Variants in PPP2R3B observed in about 807,000 individuals in gnomAD.
PPP2R3B encodes serine/threonine-protein phosphatase 2A regulatory subunit B'' subunit beta.
PPP2R3B carries 68 observed loss-of-function variants against 72.9 expected under a neutral mutation model. The ratio of observed to expected loss-of-function variants is 0.93; its 90% CI spans 0.77 to 1.14. The LOEUF is 1.14. Among genes scored for constraint, PPP2R3B ranks in the 50% most tolerant of loss-of-function variants. The pLI is 0.00. For missense variants in PPP2R3B, 1,018 were observed against 842.0 expected (o/e 1.21, Z -2.59); for synonymous variants, 466 against 375.8 (o/e 1.24, Z -2.78).
In PPP2R3B at chrX:361,558, C is replaced by T. The variant is rs369589169; in HGVS notation, c.357G>A (p.Pro119=). The change falls in exon 2 of 13, where the codon CCG becomes CCA. Residue 119 remains proline, a synonymous_variant. Coordinates refer to ENST00000390665, the MANE Select transcript of PPP2R3B (RefSeq NM_013239.5). ...AGGTCGGAATGCTTTGGCTCGTGGC[C>T]GGGGGCAGAGGCTCTTCTTTCCGTG... ...VQTRKEEPLP[P]ATSQSIPTFY... is the part of the protein sequence containing the mutation. 2.2e-5 allele frequency: 36 copies of T among 1,613,848 alleles called. No homozygotes were observed. The highest frequency in any genetic ancestry group is 1.1e-4 in the African/African-American group (8 of 74,922).
At chrX:369,772 G>A in intron 1 of PPP2R3B, among the ~76,000 whole-genome samples, 1 of 152,354 alleles carries the variant, frequency 6.6e-6, no homozygotes, top group Admixed American at 6.5e-5. Context: ...CACAGAGGAG[G>A]TGCCGGAGCA....
Position 386,663 on chromosome X carries a change from A to AC in PPP2R3B, c.28dup (p.Val10GlyfsTer93). ...CAGCTCGTCCACCTTCATCTTCAGG[A>AC]CCGGCTGCAGCACTTTGCCGGGCGG... On this transcript the variant is annotated frameshift_variant, in exon 1 of 13. Coordinates refer to ENST00000390665, the MANE Select transcript of PPP2R3B (RefSeq NM_013239.5). LOFTEE classifies it high-confidence loss of function. 4 of 1,383,498 alleles carry AC rather than the reference A, an allele frequency of 2.9e-6. No homozygotes were observed. The highest frequency in any genetic ancestry group is 2.8e-6 in the Non-Finnish European group (3 of 1,068,320). The allele number at this position is 1,383,498 out of a possible 1,614,324, so 85.7% of individuals were successfully genotyped here. A position where few individuals can be genotyped will look rare whatever the true frequency, so the allele number is the denominator to read the frequency against.
intron 8 of PPP2R3B, 52 bp from the exon 9 acceptor site, chrX:341,448 C>T: frequency 1.3e-6 from 2 of 1,591,558 alleles, no homozygotes; most frequent in Non-Finnish European, 1.7e-6. Flanking sequence ...GGGAGAGCTT[C>T]ACAGGAACGG....
chrX:386,794 C>A lies in PPP2R3B; in HGVS notation c.-103G>T, dbSNP rs1162370835. 9 of 663,138 alleles carry A rather than the reference C, an allele frequency of 1.4e-5. No individual in the cohort carries two copies. The highest frequency in any genetic ancestry group is 1.8e-5 in the Non-Finnish European group (9 of 497,062). 41.1% of individuals were successfully genotyped at this position (663,138 alleles called of 1,614,324 possible). On this transcript the variant is annotated 5_prime_UTR_variant, in exon 1 of 13. Transcript: ENST00000390665. ...ACCTCGGTGATGCGAGCACGGCCCG[C>A]TGAGGGGGCGCGGCGCAGGGAACAG...
At chrX:364,641 A>C (rs867019146) in intron 1 of PPP2R3B, among the ~76,000 whole-genome samples, 9,837 of 124,596 alleles carry the variant, frequency 0.079, 616 homozygotes, top group Non-Finnish European at 0.085. Context: ...TCGCTTCAAC[A>C]CAGGAGGCGG....
rs1015512598 is a variant in PPP2R3B, at chrX:346,367, C to CGG, written c.793-109_793-108dup. 92 of 1,133,100 alleles carry CGG rather than the reference C, an allele frequency of 8.1e-5. 1 individual carries two copies. In the Middle Eastern group the frequency reaches 3.1e-3, roughly 39 times the overall value. 70.2% of individuals were successfully genotyped at this position (1,133,100 alleles called of 1,614,324 possible). On this transcript the variant is annotated intron_variant, in intron 5 of 12. Transcript: ENST00000390665. Reference sequence around the variant, plus strand: ...GGGCGCGCCCTTGGTCTCAGCCGCACGGGGCCGCCAGGGCACAGGCGGGGG... The same window carrying CGG: ...GGGCGCGCCCTTGGTCTCAGCCGCACGGGGGGCCGCCAGGGCACAGGCGGGGG...
Position 386,387 on chromosome X carries a change from C to G in PPP2R3B, c.305G>C (p.Arg102Thr). 1 of 1,320,648 alleles carries G rather than the reference C, an allele frequency of 7.6e-7. No homozygotes were observed. The highest frequency in any genetic ancestry group is 9.7e-7 in the Non-Finnish European group (1 of 1,029,512). The allele number at this position is 1,320,648 out of a possible 1,614,324, so 81.8% of individuals were successfully genotyped here. The change falls in exon 1 of 13, where the codon AGA (arginine) becomes ACA (threonine). Residue 102 changes from arginine (R) to threonine (T), a missense_variant. Transcript: ENST00000390665. ...RNAPHVRGTR[R>T]SAGTRVVQTR... ...ACTTACTACTCTCGTCCCTGCGGAT[C>G]TACGGGTGCCTCGAACGTGGGGCGC...
intron 2 of PPP2R3B, chrX:359,919 G>C: frequency 2.2e-6 from 1 of 464,432 alleles, no homozygotes; most frequent in South Asian, 1.6e-5. Flanking sequence ...TGCTCACTTT[G>C]TAACCATGGA....
intron 1 of PPP2R3B, among the ~76,000 whole-genome samples, chrX:369,670 G>A (rs2071813173): frequency 6.6e-6 from 1 of 152,230 alleles, no homozygotes; most frequent in South Asian, 2.1e-4. Flanking sequence ...ACCCCCGCAT[G>A]TGCAGAGGGT....
intron 1 of PPP2R3B, among the ~76,000 whole-genome samples, chrX:365,157 G>A (rs1483367120): frequency 1.3e-5 from 1 of 77,906 alleles, no homozygotes; most frequent in Non-Finnish European, 2.7e-5. Flanking sequence ...AGGTTGCAGT[G>A]AGCTGAGATC....
At chrX:380,613 C>T (rs1277095881) in intron 1 of PPP2R3B, among the ~76,000 whole-genome samples, 4 of 151,902 alleles carry the variant, frequency 2.6e-5, no homozygotes, top group Admixed American at 1.3e-4. Context: ...TAGTGAAACC[C>T]CATCTCTACT....
At chrX:369,769 G>A (rs2124327895) in intron 1 of PPP2R3B, among the ~76,000 whole-genome samples, 1 of 152,356 alleles carries the variant, frequency 6.6e-6, no homozygotes, top group African/African-American at 2.4e-5. Context: ...AGCCACAGAG[G>A]AGGTGCCGGA....
chrX:379,916 G>A (rs1472517684), intron 1 of PPP2R3B, among the ~76,000 whole-genome samples: 1 of 152,180 alleles, frequency 6.6e-6, no homozygotes, highest in Admixed American at 6.5e-5. Flanking sequence ...TGCCATGAAG[G>A]TGAGGGGATG....
At chrX:357,230 C>T (rs910419144) in intron 2 of PPP2R3B, among the ~76,000 whole-genome samples, 7 of 152,012 alleles carry the variant, frequency 4.6e-5, no homozygotes, top group Non-Finnish European at 8.8e-5. Flanking sequence ...GTGGGACACC[C>T]GCGGCAGGTG....
intron 8 of PPP2R3B, 134 bp from the exon 9 acceptor site, chrX:341,530 T>A: frequency 1.5e-6 from 1 of 689,544 alleles, no homozygotes; most frequent in Non-Finnish European, 2.4e-6. Context: ...CTCCTGCCCC[T>A]CCTCCTGCCT....
At chrX:383,452 C>T (rs1021078420) in intron 1 of PPP2R3B, among the ~76,000 whole-genome samples, 34 of 152,104 alleles carry the variant, frequency 2.2e-4, no homozygotes, top group African/African-American at 4.6e-4. Flanking sequence ...GGACACCAGA[C>T]GCACCAGCCA....
intron 1 of PPP2R3B, among the ~76,000 whole-genome samples, chrX:367,870 G>A (rs2071756838): frequency 6.6e-6 from 1 of 152,178 alleles, no homozygotes. Context: ...TGGAAAAAGA[G>A]CAGGCAGACA....
chrX:384,261 ACTCTCT>A (rs766359373), intron 1 of PPP2R3B, among the ~76,000 whole-genome samples: 6 of 142,420 alleles, frequency 4.2e-5, no homozygotes, highest in South Asian at 2.2e-4. Context: ...ACGCAAGAAG[ACTCTCT>A]CTCTCTCTCT....
intron 7 of PPP2R3B, 129 bp from the exon 8 acceptor site, chrX:342,060 C>G: frequency 8.4e-7 from 1 of 1,190,118 alleles, no homozygotes; most frequent in Non-Finnish European, 1.3e-6. Context: ...GGGAGAGCCC[C>G]GGGGCCCCGA....
Sources: allele counts gnomAD v4.1 joint callset (sites outside exome capture counted in the v4.1 genomes callset), GRCh38; gene constraint gnomAD v4.1.1; transcripts MANE v1.5; gene names NCBI Gene and HGNC (gene_info 2026-07-23, HGNC 2026-07-21).